The following DKK4 variants were observed in gnomAD, a reference collection of about 807,000 sequenced individuals.
DKK4 encodes the protein dickkopf-related protein 4.
DKK4 carries 15 observed loss-of-function variants against 14.5 expected under a neutral mutation model. That is an observed-to-expected ratio of 1.03 (90% CI 0.69 to 1.59). The LOEUF (loss-of-function observed/expected upper bound fraction) is 1.59, where lower values mean the gene tolerates loss of function less well. DKK4 is among the 40% of genes most tolerant of loss of function. DKK4 has a pLI of 0.00. For synonymous variants in DKK4, 89 were observed against 105.2 expected (o/e 0.85, Z 0.94); for missense variants, 272 against 280.3 (o/e 0.97, Z 0.21).
chr8:42,374,138 C>A lies in DKK4; in HGVS notation c.637G>T (p.Ala213Ser). ...RSQLTSNRQH[A>S]RLRVCQKIEK... Reference sequence around the variant, plus strand: ...ATTTTTTGGCATACTCTTAATCGAGCATGCTGCCGATTGCTGGTCAATTGG... The same window carrying A: ...ATTTTTTGGCATACTCTTAATCGAGAATGCTGCCGATTGCTGGTCAATTGG... The change falls in exon 4 of 4, where the codon GCT (alanine) becomes TCT (serine). Residue 213 changes from alanine to serine, a missense_variant. Ala to Ser is a moderately conservative substitution (Grantham distance 99). Coordinates refer to ENST00000220812, the MANE Select transcript of DKK4 (RefSeq NM_014420.3). 4 of 1,612,744 alleles carry A rather than the reference C, an allele frequency of 2.5e-6. No homozygotes were observed. Among genetic ancestry groups the A allele is most frequent in the Non-Finnish European group, 3.4e-6 (4 of 1,179,966 alleles).
chr8:42,374,230 T>C lies in DKK4; in HGVS notation c.545A>G (p.Lys182Arg), dbSNP rs1304166273. 8 of 1,613,506 alleles carry C rather than the reference T, an allele frequency of 5.0e-6. No homozygotes were observed. The highest frequency in any genetic ancestry group is 6.8e-6 in the Non-Finnish European group (8 of 1,179,930). Reference protein sequence around the residue: ...EGQVCSRRGHKDTAQAPEIFQ... With the variant: ...EGQVCSRRGHRDTAQAPEIFQ... ...GATTTCTGGAGCTTGAGCAGTGTCT[T>C]TATGCCCTCTTCTGGAGCAGACCTG... Residue 182 changes from lysine (K) to arginine (R), a missense_variant, in exon 4 of 4, where the codon AAA becomes AGA. Physicochemically the swap from Lys to Arg is conservative, Grantham distance 26. Coordinates refer to ENST00000220812, the MANE Select transcript of DKK4 (RefSeq NM_014420.3).
intron 2 of DKK4, among the ~76,000 whole-genome samples, chr8:42,375,171 G>C (rs1487784197): frequency 6.6e-6 from 1 of 152,170 alleles, no homozygotes; most frequent in African/African-American, 2.4e-5. Flanking sequence ...ATTACAACTT[G>C]AGTCTTTCCT....
intron 1 of DKK4, 37 bp from the exon 2 acceptor site, chr8:42,375,867 C>A: frequency 6.2e-7 from 1 of 1,608,148 alleles, no homozygotes; most frequent in Non-Finnish European, 8.5e-7. Context: ...GCTAGGAAAC[C>A]CCCAACACGA....
upstream of DKK4, among the ~76,000 whole-genome samples, chr8:42,378,866 G>T (rs1824610022): frequency 6.6e-6 from 1 of 150,596 alleles, no homozygotes; most frequent in Non-Finnish European, 1.5e-5. Flanking sequence ...CAGCACTTTG[G>T]GAGGCCAAGG....
At chr8:42,376,642 AC>A (rs1429866590) in intron 1 of DKK4, among the ~76,000 whole-genome samples, 2 of 152,174 alleles carry the variant, frequency 1.3e-5, no homozygotes, top group African/African-American at 4.8e-5. Context: ...AGAGTACATG[AC>A]GTATTACATG....
At chr8:42,376,443 C>T (rs1344497390) in intron 1 of DKK4, among the ~76,000 whole-genome samples, 3 of 152,046 alleles carry the variant, frequency 2.0e-5, no homozygotes, top group African/African-American at 4.8e-5. Flanking sequence ...ATACATAAAG[C>T]GATTCCTAAA....
upstream of DKK4, among the ~76,000 whole-genome samples, chr8:42,380,745 A>T (rs1824661466): frequency 6.8e-6 from 1 of 146,538 alleles, no homozygotes. Context: ...GAGAGAGTGG[A>T]AAGAGAGAGA....
In DKK4 at chr8:42,375,678, A is replaced by G; in HGVS notation, c.262+2T>C. On this transcript the variant is annotated splice_donor_variant, in intron 2 of 3. Transcript: ENST00000220812. LOFTEE classifies it high-confidence loss of function. ...AACCACTGTTGGCGTTATGTCGCTC[A>G]CCGTTCACACAGAGTGTCCCAGGGC... 1 of 1,613,116 alleles carries G rather than the reference A, an allele frequency of 6.2e-7. No homozygotes were observed. The highest frequency in any genetic ancestry group is 8.5e-7 in the Non-Finnish European group (1 of 1,180,008).
the DKK4 span, among the ~76,000 whole-genome samples, chr8:42,387,336 A>C: frequency 2.3e-5 from 3 of 132,752 alleles, no homozygotes; most frequent in African/African-American, 5.5e-5. Context: ...GAGGTGGTGA[A>C]GGCCAGTCTT....
At chr8:42,385,243 T>G in the DKK4 span, among the ~76,000 whole-genome samples, 2 of 151,892 alleles carry the variant, frequency 1.3e-5, no homozygotes, top group African/African-American at 4.8e-5. Context: ...AATAGAAAAA[T>G]TAGCCTGGTG....
the DKK4 span, among the ~76,000 whole-genome samples, chr8:42,386,374 C>G: frequency 6.6e-6 from 1 of 152,054 alleles, no homozygotes; most frequent in Non-Finnish European, 1.5e-5. Flanking sequence ...TTCAATGAGC[C>G]TTTCTTCAAG....
the DKK4 span, among the ~76,000 whole-genome samples, chr8:42,385,133 T>C: frequency 3.3e-5 from 5 of 152,204 alleles, no homozygotes; most frequent in African/African-American, 1.2e-4. Context: ...GGCCAGGCAC[T>C]CTAATTCCAG....
the DKK4 span, among the ~76,000 whole-genome samples, chr8:42,387,738 C>T: frequency 1.3e-5 from 2 of 152,128 alleles, no homozygotes; most frequent in African/African-American, 2.4e-5. Context: ...GGACAGGAAG[C>T]AAAGGATGGA....
upstream of DKK4, among the ~76,000 whole-genome samples, chr8:42,380,557 A>G (rs533935042): frequency 6.7e-6 from 1 of 150,288 alleles, no homozygotes; most frequent in East Asian, 2.0e-4. Context: ...AGGAAGGAAG[A>G]AAAAATGAAA....
the DKK4 span, among the ~76,000 whole-genome samples, chr8:42,384,434 T>G: frequency 2.6e-5 from 4 of 152,140 alleles, no homozygotes; most frequent in Non-Finnish European, 5.9e-5. Context: ...TGAGCCACAG[T>G]GCCCAGCTAC....
chr8:42,379,649 G>T (rs770962164), upstream of DKK4, among the ~76,000 whole-genome samples: 1 of 152,024 alleles, frequency 6.6e-6, no homozygotes, highest in Non-Finnish European at 1.5e-5. Flanking sequence ...TGTGTTTACA[G>T]ATGAGGTAAT....
the DKK4 span, among the ~76,000 whole-genome samples, chr8:42,385,794 C>A: frequency 3.9e-5 from 6 of 151,974 alleles, no homozygotes; most frequent in Non-Finnish European, 5.9e-5. Context: ...CTCACTTTTT[C>A]AATTATAAAA....
At position 42,374,343 on chromosome 8, in the gene DKK4, A is replaced by G. The variant is rs1456255569; in HGVS notation, c.432T>C (p.Ser144=). 28 of 1,613,514 alleles carry G rather than the reference A, an allele frequency of 1.7e-5. No homozygotes were observed. Among genetic ancestry groups the G allele is most frequent in the Non-Finnish European group, 2.3e-5 (27 of 1,179,946 alleles). The change falls in exon 4 of 4, where the codon AGT becomes AGC. Residue 144 remains serine (S), a synonymous_variant. Transcript: ENST00000220812. Reference sequence around the variant, plus strand: ...GGCCACAGTCAAAAGTTCTCAGACAACTTTCTCCCTCTTGTCCTGTAACAA... The same window carrying G: ...GGCCACAGTCAAAAGTTCTCAGACAGCTTTCTCCCTCTTGTCCTGTAACAA... ...SQGRKGQEGE[S]CLRTFDCGPG... is the part of the protein sequence containing the mutation.
At chr8:42,381,420 C>T (rs1288973806), upstream of DKK4, among the ~76,000 whole-genome samples, 1 of 152,156 alleles carries the variant, frequency 6.6e-6, no homozygotes, top group Non-Finnish European at 1.5e-5. Context: ...CCAGGCTCTC[C>T]GTTTTGCCTC....
Sources: allele counts gnomAD v4.1 joint callset (sites outside exome capture counted in the v4.1 genomes callset), GRCh38; gene constraint gnomAD v4.1.1; transcripts MANE v1.5; gene names NCBI Gene and HGNC (gene_info 2026-07-23, HGNC 2026-07-21).